The following NREP variants were observed in gnomAD, a reference collection of about 807,000 sequenced individuals.
The protein encoded by NREP is neuronal regeneration-related protein.
In NREP, 5 loss-of-function variants were observed where a neutral mutation model predicts 8.6. The observed-to-expected ratio is 0.58, with a 90% CI of 0.30 to 1.22. The LOEUF (loss-of-function observed/expected upper bound fraction) is 1.22. Ranked by LOEUF, NREP falls within the 50% of genes most tolerant of loss-of-function variation. NREP has a pLI of 0.07. For synonymous variants in NREP, 27 were observed against 28.0 expected (o/e 0.96, Z 0.11); for missense variants, 86 against 82.5 (o/e 1.04, Z -0.17).
At chr5:111,788,556 C>T (rs1428795143) in intron 2 of NREP, among the ~76,000 whole-genome samples, 1 of 152,308 alleles carries the variant, frequency 6.6e-6, no homozygotes, top group Non-Finnish European at 1.5e-5. Context: ...TTCAGTCTCA[C>T]ATGCACCCAG....
At chr5:111,965,644 A>G (rs1302828778) in intron 2 of NREP, among the ~76,000 whole-genome samples, 1 of 152,136 alleles carries the variant, frequency 6.6e-6, no homozygotes, top group Admixed American at 6.5e-5. Context: ...CTATAATGTC[A>G]TTTCATCTGT....
intron 2 of NREP, among the ~76,000 whole-genome samples, chr5:111,960,947 A>G (rs1756463483): frequency 6.6e-6 from 1 of 152,236 alleles, no homozygotes; most frequent in Non-Finnish European, 1.5e-5. Flanking sequence ...AACTTCCAAC[A>G]TTATGAAATA....
chr5:111,731,950 C>T (rs997049064), intron 3 of NREP: 8 of 152,278 alleles, frequency 5.3e-5, no homozygotes, highest in African/African-American at 1.9e-4. Context: ...TCATTTACAA[C>T]AGATAGATTT....
At chr5:111,900,035 A>G (rs752724555) in intron 2 of NREP, among the ~76,000 whole-genome samples, 3 of 152,154 alleles carry the variant, frequency 2.0e-5, no homozygotes, top group Non-Finnish European at 2.9e-5. Flanking sequence ...AGGATAGACC[A>G]TATATTAGGA....
intron 1 of NREP, chr5:111,756,316 TACA>T: frequency 4.9e-5 from 2 of 41,094 alleles, no homozygotes; most frequent in Non-Finnish European, 8.8e-5. Flanking sequence ...AAAAAAACCC[TACA>T]CGGCGGGGGG....
chr5:111,884,167 A>G (rs1754172626), intron 2 of NREP, among the ~76,000 whole-genome samples: 1 of 151,906 alleles, frequency 6.6e-6, no homozygotes, highest in African/African-American at 2.4e-5. Context: ...ACAGAAATAC[A>G]AACTACCATC....
chr5:111,865,954 T>C (rs1753654174), intron 2 of NREP, among the ~76,000 whole-genome samples: 1 of 152,134 alleles, frequency 6.6e-6, no homozygotes, highest in Admixed American at 6.5e-5. Context: ...TAAAAACTAA[T>C]GCTAAAATAC....
At chr5:111,954,006 A>C (rs555894301) in intron 2 of NREP, among the ~76,000 whole-genome samples, 1 of 152,250 alleles carries the variant, frequency 6.6e-6, no homozygotes, top group South Asian at 2.1e-4. Flanking sequence ...ATGCCTGCTA[A>C]GGAATTGTAA....
intron 2 of NREP, among the ~76,000 whole-genome samples, chr5:111,802,474 TG>T (rs1206634357): frequency 1.3e-5 from 2 of 152,098 alleles, no homozygotes; most frequent in Non-Finnish European, 2.9e-5. Context: ...GAGAAACTGT[TG>T]AAATGAAAGA....
intron 2 of NREP, among the ~76,000 whole-genome samples, chr5:111,802,334 C>CA (rs34598041): frequency 2.0e-5 from 3 of 151,640 alleles, no homozygotes; most frequent in African/African-American, 4.8e-5. Flanking sequence ...CTGTTTTAGG[C>CA]AAAAAAAAGT....
At chr5:111,816,095 TGAA>T (rs1447594597) in intron 2 of NREP, among the ~76,000 whole-genome samples, 2 of 152,178 alleles carry the variant, frequency 1.3e-5, no homozygotes, top group Admixed American at 1.3e-4. Context: ...TAAACGCTAA[TGAA>T]GAATTCTGTA....
chr5:111,940,285 G>C (rs556603810), intron 2 of NREP, among the ~76,000 whole-genome samples: 9 of 152,172 alleles, frequency 5.9e-5, no homozygotes, highest in African/African-American at 1.7e-4. Context: ...TTTAAGGATA[G>C]GGATAAAAGA....
chr5:111,973,479 A>C (rs1756877233), intron 2 of NREP, among the ~76,000 whole-genome samples: 1 of 152,206 alleles, frequency 6.6e-6, no homozygotes, highest in Non-Finnish European at 1.5e-5. Context: ...CAGAATTTTC[A>C]CCAGAACAGA....
chr5:111,970,853 A>G (rs1284617827), intron 2 of NREP, among the ~76,000 whole-genome samples: 7 of 150,512 alleles, frequency 4.7e-5, no homozygotes, highest in African/African-American at 1.7e-4. Flanking sequence ...AAAAAAAGAA[A>G]GAAGAAAAAA....
At chr5:111,773,621 C>G (rs1751288453) in intron 2 of NREP, among the ~76,000 whole-genome samples, 1 of 152,104 alleles carries the variant, frequency 6.6e-6, no homozygotes, top group Admixed American at 6.6e-5. Flanking sequence ...ACATTATAAT[C>G]AAAATTTTCA....
intron 2 of NREP, among the ~76,000 whole-genome samples, chr5:111,972,553 C>CT (rs1166581772): frequency 1.3e-5 from 2 of 152,110 alleles, no homozygotes; most frequent in Non-Finnish European, 2.9e-5. Flanking sequence ...GCAGCAGTTC[C>CT]TATGTCAGAG....
intron 1 of NREP, among the ~76,000 whole-genome samples, chr5:111,756,828 G>C (rs1298058087): frequency 7.2e-5 from 11 of 152,110 alleles, no homozygotes; most frequent in Non-Finnish European, 1.0e-4. Context: ...TTCTAACAAG[G>C]CTTTAGGAGC....
chr5:111,843,785 G>A (rs766857759), intron 2 of NREP, among the ~76,000 whole-genome samples: 1 of 152,182 alleles, frequency 6.6e-6, no homozygotes, highest in Non-Finnish European at 1.5e-5. Context: ...CCATGGTGCT[G>A]AAGTCCTCAG....
intron 2 of NREP, among the ~76,000 whole-genome samples, chr5:111,742,341 G>C (rs1749735465): frequency 6.6e-6 from 1 of 152,102 alleles, no homozygotes; most frequent in African/African-American, 2.4e-5. Context: ...GGCCACTGAT[G>C]AATATGTGGG....
Sources: gnomAD v4.1 joint callset for allele counts (sites outside exome capture counted in the v4.1 genomes callset) on GRCh38, gnomAD v4.1.1 for gene constraint, MANE v1.5 for transcripts, NCBI Gene and HGNC (gene_info 2026-07-23, HGNC 2026-07-21) for gene names.